Variants in PCNX2 observed in about 807,000 individuals in gnomAD.
PCNX2 encodes the protein pecanex 2.
PCNX2 carries 168 observed loss-of-function variants against 223.8 expected under a neutral mutation model. That is an observed-to-expected ratio of 0.75 (90% CI 0.66 to 0.85). The LOEUF (loss-of-function observed/expected upper bound fraction) is 0.85. Ranked by LOEUF, PCNX2 falls within the 40% of genes least tolerant of loss-of-function variation. The probability of loss-of-function intolerance (pLI) is 0.00; values close to 1 mark genes in which losing one functional copy is unlikely to be tolerated. For missense variants in PCNX2, 2,507 were observed against 2,675.5 expected, an observed-to-expected ratio of 0.94 and a Z score of 1.39; for synonymous variants, 1,006 against 1,052.6, an observed-to-expected ratio of 0.96 and a Z score of 0.86.
chr1:233,151,032 G>A (rs554663862), intron 19 of PCNX2, among the ~76,000 whole-genome samples: 12 of 138,034 alleles, frequency 8.7e-5, no homozygotes, highest in Non-Finnish European at 1.6e-4. Context: ...AGAGCTTCTC[G>A]TTAGAATAAC....
intron 25 of PCNX2, among the ~76,000 whole-genome samples, chr1:233,053,230 G>A (rs541683134): frequency 3.4e-4 from 51 of 151,884 alleles, no homozygotes; most frequent in Non-Finnish European, 5.9e-4. Context: ...TGCCGCAAGC[G>A]CTGGTCAGCC....
At chr1:233,289,869 G>A (rs1661659082) in intron 1 of PCNX2, among the ~76,000 whole-genome samples, 1 of 152,244 alleles carries the variant, frequency 6.6e-6, no homozygotes, top group African/African-American at 2.4e-5. Context: ...CCTGCTATGC[G>A]AGGCTGCGCA....
intron 23 of PCNX2, among the ~76,000 whole-genome samples, chr1:233,071,803 ATC>A (rs1481819295): frequency 2.0e-5 from 3 of 152,158 alleles, no homozygotes; most frequent in African/African-American, 4.8e-5. Flanking sequence ...ACTTCCCAGC[ATC>A]TGTTATTCTT....
At chr1:233,308,554 TA>T in the PCNX2 span, among the ~76,000 whole-genome samples, 2 of 151,990 alleles carry the variant, frequency 1.3e-5, no homozygotes, top group African/African-American at 4.8e-5. Context: ...ACACACCAAA[TA>T]ATAGATGTAT....
intron 25 of PCNX2, among the ~76,000 whole-genome samples, chr1:233,050,459 C>G (rs1671964286): frequency 6.6e-6 from 1 of 152,014 alleles, no homozygotes; most frequent in Non-Finnish European, 1.5e-5. Context: ...ACCAAAACAG[C>G]ATGGTAGTGG....
chr1:233,218,090 C>A lies in PCNX2; in HGVS notation c.2599G>T (p.Asp867Tyr). ...FLTLSQGFCKDMWVLLFCLVM... is the reference protein window; with the variant it reads ...FLTLSQGFCKYMWVLLFCLVM... ...AGGCAGAAGAGGAGCACCCACATAT[C>A]TTTGCAAAAGCCTTGGCTCAAGGTC... The change falls in exon 11 of 34, where the codon GAT (aspartate) becomes TAT (tyrosine). Residue 867 changes from aspartate (D) to tyrosine (Y), a missense_variant. This residue lies in a region of PCNX2 where 104 missense variants were observed against 144.4 expected (regional missense o/e 0.72). Coordinates refer to ENST00000258229, the MANE Select transcript of PCNX2 (RefSeq NM_014801.4). 1.3e-6 allele frequency: 2 copies of A among 1,580,480 alleles called. No homozygotes were observed. The highest frequency in any genetic ancestry group is 8.6e-7 in the Non-Finnish European group (1 of 1,162,896).
intron 13 of PCNX2, among the ~76,000 whole-genome samples, chr1:233,202,875 A>G (rs1681205943): frequency 1.3e-5 from 2 of 152,224 alleles, no homozygotes. Context: ...GGACCCGGCT[A>G]CAGCTGATGG....
At chr1:233,275,748 G>A (rs1558417061) in intron 1 of PCNX2, among the ~76,000 whole-genome samples, 1 of 152,020 alleles carries the variant, frequency 6.6e-6, no homozygotes, top group Non-Finnish European at 1.5e-5. Context: ...GACAAGGGGT[G>A]AGGCTGGGCT....
At chr1:233,227,564 G>A (rs1657819626) in intron 9 of PCNX2, among the ~76,000 whole-genome samples, 193 bp from the exon 10 acceptor site, 2 of 152,072 alleles carry the variant, frequency 1.3e-5, no homozygotes, top group South Asian at 4.2e-4. Flanking sequence ...CTAAGAAAAG[G>A]ATAATGATCA....
chr1:233,147,137 T>C (rs567889864), intron 19 of PCNX2, among the ~76,000 whole-genome samples: 30 of 152,332 alleles, frequency 2.0e-4, no homozygotes, highest in African/African-American at 6.7e-4. Context: ...CGTGAAACTA[T>C]GGTTGACCCT....
chr1:233,172,605 T>C, intron 17 of PCNX2: 1 of 938,982 alleles, frequency 1.1e-6, no homozygotes, highest in South Asian at 4.9e-5. Context: ...CCACCTGGGC[T>C]TCAATTCCTG....
At chr1:233,183,456 A>T (rs1679920598) in intron 15 of PCNX2, among the ~76,000 whole-genome samples, 2 of 152,372 alleles carry the variant, frequency 1.3e-5, no homozygotes, top group Middle Eastern at 3.4e-3. Context: ...CAAGAAAAGA[A>T]GATGAAGGAA....
intron 23 of PCNX2, among the ~76,000 whole-genome samples, chr1:233,061,129 C>T (rs1672390777): frequency 6.6e-6 from 1 of 152,062 alleles, no homozygotes; most frequent in African/African-American, 2.4e-5. Context: ...ATACTGCTGG[C>T]CGGAGTGAGA....
At position 233,025,369 on chromosome 1, in the gene PCNX2, GC is replaced by G. The variant is rs759851828; in HGVS notation, c.4381del (p.Ala1461ProfsTer77). ...GTYCQQREVE[A>X]IMEGDEEDRG... ...GTCCTCCTCGTCGCCCTCCATGATG[GC>G]TTCTACCTCCCTCTGCTGGCAGTAG... is the stretch of plus-strand genomic sequence containing the variant. On this transcript the variant is annotated frameshift_variant, in exon 26 of 34. Coordinates refer to ENST00000258229, the MANE Select transcript of PCNX2 (RefSeq NM_014801.4). LOFTEE classifies it high-confidence loss of function. 4 of 1,613,968 alleles carry G rather than the reference GC, an allele frequency of 2.5e-6. No individual in the cohort carries two copies. Among genetic ancestry groups the G allele is most frequent in the Non-Finnish European group, 3.4e-6 (4 of 1,179,864 alleles).
Position 233,135,085 on chromosome 1 carries a change from GA to G in PCNX2, c.3764del (p.Phe1255SerfsTer37). ...FINLSFTVIF[F>X]HFDYKDISES... The stretch of plus-strand genomic sequence containing the variant: ...CTGAAATATCTTTGTAGTCAAAGTG[GA>G]AAAAGATGACAGTGAAGCTCAAGTT... On this transcript the variant is annotated frameshift_variant, in exon 21 of 34. Coordinates refer to ENST00000258229, the MANE Select transcript of PCNX2 (RefSeq NM_014801.4). LOFTEE classifies it high-confidence loss of function. 2 of 1,612,942 alleles carry G rather than the reference GA, an allele frequency of 1.2e-6. No individual in the cohort carries two copies. The highest frequency in any genetic ancestry group is 1.7e-6 in the Non-Finnish European group (2 of 1,178,936).
intron 13 of PCNX2, among the ~76,000 whole-genome samples, chr1:233,207,046 T>C (rs78272830): frequency 0.024 from 3,522 of 148,720 alleles, 54 homozygotes; most frequent in African/African-American, 0.042. Flanking sequence ...GAAGAAGAAG[T>C]TACTCTGCTT....
At chr1:233,115,917 T>C (rs1374395711) in intron 21 of PCNX2, among the ~76,000 whole-genome samples, 1 of 152,168 alleles carries the variant, frequency 6.6e-6, no homozygotes, top group Non-Finnish European at 1.5e-5. Context: ...TATGTAATGA[T>C]ATGAACAGTT....
intron 12 of PCNX2, chr1:233,210,504 C>CT: frequency 2.6e-6 from 2 of 771,188 alleles, no homozygotes; most frequent in Non-Finnish European, 3.2e-6. Flanking sequence ...GTCTCAAACT[C>CT]CTGACCTCAG....
At chr1:233,196,211 A>G (rs924844713) in intron 15 of PCNX2, among the ~76,000 whole-genome samples, 8 of 152,172 alleles carry the variant, frequency 5.3e-5, no homozygotes, top group Non-Finnish European at 1.0e-4. Context: ...TCATCTCAAA[A>G]GAGATTTCAA....
Sources: gnomAD v4.1 joint callset for allele counts (sites outside exome capture counted in the v4.1 genomes callset) on GRCh38, gnomAD v4.1.1 for gene constraint, gnomAD v4.1.1 regional missense constraint, MANE v1.5 for transcripts, NCBI Gene and HGNC (gene_info 2026-07-23, HGNC 2026-07-21) for gene names.